The following RAD51B variants were observed in gnomAD, a reference collection of about 807,000 sequenced individuals.
RAD51B encodes DNA repair protein RAD51 homolog 2.
A neutral mutation model predicts 42.2 loss-of-function variants in RAD51B; 38 were observed. The observed-to-expected ratio is 0.90, with a 90% confidence interval of 0.70 to 1.18. RAD51B has a LOEUF of 1.18. Ranked by LOEUF, RAD51B falls within the 50% of genes most tolerant of loss-of-function variation. The pLI is 0.00. For missense variants in RAD51B, 373 were observed against 400.7 expected, an observed-to-expected ratio of 0.93 and a Z score of 0.59; for synonymous variants, 154 against 145.2, an observed-to-expected ratio of 1.06 and a Z score of -0.43.
chr14:68,165,499 T>G (rs1011129704), intron 7 of RAD51B, among the ~76,000 whole-genome samples: 1 of 151,886 alleles, frequency 6.6e-6, no homozygotes, highest in Non-Finnish European at 1.5e-5. Context: ...TTTATTCATA[T>G]GCATTTTTTT....
chr14:68,133,917 T>G (rs1278405260), intron 7 of RAD51B, among the ~76,000 whole-genome samples: 4 of 152,200 alleles, frequency 2.6e-5, no homozygotes, highest in African/African-American at 9.6e-5. Context: ...GTTGACATAT[T>G]CCATGGCTCA....
intron 4 of RAD51B, among the ~76,000 whole-genome samples, chr14:67,844,377 A>AAGTGT (rs1460715567): frequency 6.6e-6 from 1 of 151,794 alleles, no homozygotes; most frequent in Admixed American, 6.6e-5. Context: ...TCATTTGGTC[A>AAGTGT]AGTGTTGAGT....
At chr14:67,879,839 T>C (rs890029478) in intron 5 of RAD51B, among the ~76,000 whole-genome samples, 1 of 152,204 alleles carries the variant, frequency 6.6e-6, no homozygotes, top group Non-Finnish European at 1.5e-5. Context: ...ATTTTAATAG[T>C]CTCTTCAGAT....
intron 7 of RAD51B, among the ~76,000 whole-genome samples, chr14:68,175,321 C>T (rs1026896068): frequency 3.3e-5 from 5 of 152,152 alleles, no homozygotes; most frequent in African/African-American, 1.2e-4. Context: ...TGAGTTTCAT[C>T]AGTTAAGCAG....
chr14:68,238,721 T>A (rs1021578638), intron 7 of RAD51B, among the ~76,000 whole-genome samples: 3 of 152,234 alleles, frequency 2.0e-5, no homozygotes, highest in Admixed American at 2.0e-4. Context: ...TGTAATACAA[T>A]GTATCCCTGC....
At chr14:67,822,986 A>G (rs1399805696) in intron 1 of RAD51B, among the ~76,000 whole-genome samples, 1 of 152,164 alleles carries the variant, frequency 6.6e-6, no homozygotes, top group African/African-American at 2.4e-5. Context: ...TCTCATATGT[A>G]AAAAAGGGGC....
chr14:67,831,864 A>T (rs753551874), intron 3 of RAD51B, among the ~76,000 whole-genome samples: 1 of 151,866 alleles, frequency 6.6e-6, no homozygotes, highest in African/African-American at 2.4e-5. Context: ...TTTTTGACTT[A>T]CCGAATCTAT....
At chr14:68,487,252 C>T (rs753163665) in intron 10 of RAD51B, among the ~76,000 whole-genome samples, 2 of 152,252 alleles carry the variant, frequency 1.3e-5, no homozygotes, top group African/African-American at 2.4e-5. Flanking sequence ...TGCAGGTGGA[C>T]GTCATCTCTC....
rs138515807 is a variant in RAD51B, at chr14:68,500,281, C to T, written c.1036+32031C>T. ...CACATACATTATCCCATTTAATCCT[C>T]GAAACAATCCTACATGGTTGCTATT... On this transcript the variant is annotated intron_variant, in intron 10 of 10. Transcript: ENST00000487270. 3.4e-3 allele frequency among the ~76,000 whole-genome samples: 518 copies of T among 152,314 alleles called. 2 individuals carry two copies. Among genetic ancestry groups the T allele is most frequent in the Non-Finnish European group, 5.7e-3 (388 of 68,026 alleles).
chr14:68,004,929 T>G (rs950195159), intron 7 of RAD51B, among the ~76,000 whole-genome samples: 1 of 152,116 alleles, frequency 6.6e-6, no homozygotes, highest in Non-Finnish European at 1.5e-5. Flanking sequence ...CATGTTGTAT[T>G]GTGTAGTTGT....
intron 4 of RAD51B, among the ~76,000 whole-genome samples, chr14:67,861,557 C>T (rs1302081532): frequency 1.5e-5 from 2 of 137,550 alleles, no homozygotes; most frequent in Non-Finnish European, 3.1e-5. Context: ...GCCTGGGCAA[C>T]AGAGTGAGAA....
intron 7 of RAD51B, among the ~76,000 whole-genome samples, chr14:68,281,946 T>G (rs2081326274): frequency 6.6e-6 from 1 of 151,722 alleles, no homozygotes; most frequent in African/African-American, 2.4e-5. Flanking sequence ...GGCTTGTGCC[T>G]CAAGTGTGAT....
rs370697725 is a variant in RAD51B at position 68,411,421 on chromosome 14, C to T, written c.854-3C>T. 5.1e-5 allele frequency: 83 copies of T among 1,613,454 alleles called. No homozygotes were observed. In the African/African-American group the frequency reaches 1.1e-3, roughly 21 times the overall value. On this transcript the variant is annotated splice_region_variant and splice_polypyrimidine_tract_variant and intron_variant, in intron 8 of 10. Coordinates refer to ENST00000471583, the MANE Select transcript of RAD51B (RefSeq NM_133510.4). ...AAAGCGTGCTTTTACCATTTCATTT[C>T]AGGCACTTCTGGATCCAGCTGTGTG...
chr14:68,199,636 C>T (rs1048855686), intron 7 of RAD51B, among the ~76,000 whole-genome samples: 2 of 152,120 alleles, frequency 1.3e-5, no homozygotes, highest in African/African-American at 4.8e-5. Flanking sequence ...TCTGAAGTTG[C>T]CTCCCTCCTT....
intron 7 of RAD51B, among the ~76,000 whole-genome samples, chr14:67,933,517 G>A (rs2044818696): frequency 6.6e-6 from 1 of 152,128 alleles, no homozygotes; most frequent in Non-Finnish European, 1.5e-5. Flanking sequence ...CTAGTATCAG[G>A]GTTTGTGTGG....
intron 10 of RAD51B, among the ~76,000 whole-genome samples, chr14:68,576,476 G>C (rs943266066): frequency 5.3e-5 from 8 of 152,202 alleles, no homozygotes; most frequent in African/African-American, 1.4e-4. Context: ...GATGCATAAA[G>C]CTTAAAACCC....
intron 5 of RAD51B, among the ~76,000 whole-genome samples, chr14:67,873,158 A>C (rs1045387347): frequency 9.2e-5 from 14 of 152,254 alleles, no homozygotes; most frequent in South Asian, 2.1e-4. Context: ...AGGCAACCTA[A>C]AAAATGGGAG....
chr14:68,403,155 T>C (rs1179339181), intron 8 of RAD51B, among the ~76,000 whole-genome samples: 2 of 152,200 alleles, frequency 1.3e-5, no homozygotes, highest in African/African-American at 2.4e-5. Context: ...GTATTGTTAT[T>C]CCTTTATTTT....
At chr14:68,206,097 T>C (rs2079579141) in intron 7 of RAD51B, among the ~76,000 whole-genome samples, 1 of 152,238 alleles carries the variant, frequency 6.6e-6, no homozygotes, top group Non-Finnish European at 1.5e-5. Flanking sequence ...TTATCTTTTA[T>C]GACTTTGTCA....
Sources: gnomAD v4.1 joint callset for allele counts (sites outside exome capture counted in the v4.1 genomes callset) on GRCh38, gnomAD v4.1.1 for gene constraint, MANE v1.5 for transcripts, NCBI Gene and HGNC (gene_info 2026-07-23, HGNC 2026-07-21) for gene names.